LOXHD1: variants seen among roughly 807,000 people sequenced by gnomAD.
The protein encoded by LOXHD1 is lipoxygenase homology PLAT domains 1.
Under a neutral mutation model 248.2 loss-of-function variants are expected in LOXHD1, and 205 were observed. That is an observed-to-expected ratio of 0.83 (90% CI 0.74 to 0.93). LOXHD1 has a LOEUF of 0.93. Among genes scored for constraint, LOXHD1 ranks in the 40% least tolerant of loss-of-function variants. The probability of loss-of-function intolerance (pLI) is 0.00; values close to 1 mark genes in which losing one functional copy is unlikely to be tolerated. For missense variants in LOXHD1, 2,930 were observed against 2,971.6 expected (o/e 0.99, Z 0.33); for synonymous variants, 1,113 against 1,162.8 (o/e 0.96, Z 0.87).
rs1404197472 is a variant in LOXHD1, at chr18:46,522,308, A to C, written c.4878T>G (p.Ile1626Met). Reference sequence around the variant, plus strand: ...TGGTGACTGACACATAGTAGGGAATAACTGCAAGAGATCACGGGGCTCAGG... The same window carrying C: ...TGGTGACTGACACATAGTAGGGAATCACTGCAAGAGATCACGGGGCTCAGG... ...PMADYVQEGP[I>M]IPYYVSVTTG... The change falls in exon 32 of 41, where the codon ATT (isoleucine) becomes ATG (methionine). Residue 1626 changes from isoleucine to methionine, a missense_variant and splice_region_variant. Ile to Met is a conservative substitution (Grantham distance 10). Coordinates refer to ENST00000642948, the MANE Select transcript of LOXHD1 (RefSeq NM_001384474.1). The C allele has an allele frequency of 6.4e-7, 1 of 1,551,538 alleles. No homozygotes were observed. The highest frequency in any genetic ancestry group is 8.7e-7 in the Non-Finnish European group (1 of 1,146,862).
At chr18:46,539,646 T>C (rs1331313664) in intron 25 of LOXHD1, among the ~76,000 whole-genome samples, 1 of 152,196 alleles carries the variant, frequency 6.6e-6, no homozygotes, top group African/African-American at 2.4e-5. Flanking sequence ...TCAACAGTAT[T>C]TTTTAAAATA....
intron 18 of LOXHD1, among the ~76,000 whole-genome samples, chr18:46,561,752 G>A (rs529454465): frequency 6.6e-6 from 1 of 152,326 alleles, no homozygotes; most frequent in Admixed American, 6.5e-5. Context: ...AGAGCCCAGG[G>A]CCCCTGGGAG....
chr18:46,563,018 G>A, intron 18 of LOXHD1, 47 bp downstream of exon 18: 7 of 1,511,864 alleles, frequency 4.6e-6, no homozygotes, highest in Non-Finnish European at 6.3e-6. Flanking sequence ...GCATCTTGGT[G>A]TCCACTGAGC....
At chr18:46,538,359 C>T (rs549123672) in intron 25 of LOXHD1, 22 bp from the exon 26 acceptor site, 1 of 1,537,728 alleles carries the variant, frequency 6.5e-7, no homozygotes, top group East Asian at 2.5e-5. Context: ...GGTCAGAGGG[C>T]AAAGCCAGAG....
chr18:46,552,010 T>C (rs150528139), intron 21 of LOXHD1, among the ~76,000 whole-genome samples: 31 of 152,160 alleles, frequency 2.0e-4, no homozygotes, highest in African/African-American at 6.7e-4. Context: ...CTCAAAGTCA[T>C]AGAGACAAAA....
At chr18:46,567,850 C>T (rs1386660169) in intron 16 of LOXHD1, among the ~76,000 whole-genome samples, 3 of 152,186 alleles carry the variant, frequency 2.0e-5, no homozygotes, top group Admixed American at 6.5e-5. Context: ...AGAGCCCATG[C>T]TCCCAGCCTC....
intron 4 of LOXHD1, among the ~76,000 whole-genome samples, chr18:46,618,776 A>G (rs2038626749): frequency 6.6e-6 from 1 of 152,152 alleles, no homozygotes; most frequent in Admixed American, 6.5e-5. Context: ...ATAAAAATTC[A>G]CTGGGAAAAC....
intron 4 of LOXHD1, among the ~76,000 whole-genome samples, chr18:46,631,523 G>A (rs1015069864): frequency 2.0e-5 from 3 of 152,196 alleles, no homozygotes; most frequent in African/African-American, 7.2e-5. Context: ...GAGGAAGTGG[G>A]TAATGCCGTC....
At chr18:46,505,384 G>A (rs888640694) in intron 37 of LOXHD1, among the ~76,000 whole-genome samples, 5 of 152,020 alleles carry the variant, frequency 3.3e-5, no homozygotes, top group African/African-American at 9.7e-5. Context: ...ATCTCACAAT[G>A]TTGTTTAGGC....
rs535109180 is a variant in LOXHD1, at chr18:46,524,417, C to T, written c.4876+49G>A. ...GGCTCATCCAAGAATTGCTTTAAAACATTTCCATGTGCCTGGCCCCCGTCC... is the reference window on the plus strand; with the variant it reads ...GGCTCATCCAAGAATTGCTTTAAAATATTTCCATGTGCCTGGCCCCCGTCC... On this transcript the variant is annotated intron_variant, in intron 31 of 40. Coordinates refer to ENST00000642948, the MANE Select transcript of LOXHD1 (RefSeq NM_001384474.1). 3.0e-5 allele frequency: 46 copies of T among 1,534,494 alleles called. No homozygotes were observed. The South Asian group carries it at 4.8e-4, about 16-fold the overall frequency.
At chr18:46,607,746 T>C (rs1398438949) in intron 6 of LOXHD1, among the ~76,000 whole-genome samples, 2 of 151,912 alleles carry the variant, frequency 1.3e-5, no homozygotes, top group African/African-American at 2.4e-5. Context: ...TGGTGGGAAT[T>C]TGACAAGTTC....
At chr18:46,501,700 A>T (rs1224645316) in intron 37 of LOXHD1, among the ~76,000 whole-genome samples, 1 of 152,248 alleles carries the variant, frequency 6.6e-6, no homozygotes, top group Non-Finnish European at 1.5e-5. Flanking sequence ...CCTTAGGAGC[A>T]ATGGTTCAGT....
chr18:46,651,628 CT>C (rs2039112934), intron 1 of LOXHD1, among the ~76,000 whole-genome samples: 1 of 151,846 alleles, frequency 6.6e-6, no homozygotes, highest in Non-Finnish European at 1.5e-5. Flanking sequence ...TGCACAGCTA[CT>C]TCTTAAATGG....
chr18:46,656,254 G>A (rs1345827603), intron 1 of LOXHD1, among the ~76,000 whole-genome samples: 1 of 152,104 alleles, frequency 6.6e-6, no homozygotes, highest in Non-Finnish European at 1.5e-5. Context: ...ACGCTGGAAA[G>A]GAAAAAAACA....
chr18:46,498,628 A>G (rs568760681), intron 37 of LOXHD1, among the ~76,000 whole-genome samples: 101 of 152,050 alleles, frequency 6.6e-4, no homozygotes, highest in African/African-American at 2.3e-3. Context: ...TCCAGCTCCA[A>G]TCTCTACCTC....
intron 8 of LOXHD1, among the ~76,000 whole-genome samples, chr18:46,597,578 A>C (rs113693982): frequency 1.2e-3 from 186 of 149,806 alleles, no homozygotes; most frequent in Admixed American, 2.1e-3. Context: ...ACACACACAC[A>C]CCCCTACCTG....
intron 6 of LOXHD1, among the ~76,000 whole-genome samples, chr18:46,605,661 T>G (rs2038402525): frequency 6.6e-6 from 1 of 152,168 alleles, no homozygotes; most frequent in Non-Finnish European, 1.5e-5. Context: ...ACCAGGACAG[T>G]ACCATCCAGG....
rs745683775 is a variant in LOXHD1 at position 46,560,448 on chromosome 18, C to G, written c.2696G>C (p.Arg899Pro). The change falls in exon 19 of 41, where the codon CGG (arginine) becomes CCG (proline). Residue 899 changes from arginine (R) to proline (P), a missense_variant. By Grantham distance (103) the Arg-to-Pro change is moderately radical. Coordinates refer to ENST00000642948, the MANE Select transcript of LOXHD1 (RefSeq NM_001384474.1). ...PSWFVDTVWL[R>P]HLVVREVDLT... is the part of the protein sequence containing the mutation. Reference sequence around the variant, plus strand: ...GTCCACCTCCCGCACCACCAGGTGCCGCAGCCACACGGTGTCCACGAACCA... The same window carrying G: ...GTCCACCTCCCGCACCACCAGGTGCGGCAGCCACACGGTGTCCACGAACCA... 4.7e-4 allele frequency: 718 copies of G among 1,543,534 alleles called. No homozygotes were observed. Among genetic ancestry groups the G allele is most frequent in the Non-Finnish European group, 6.1e-4 (696 of 1,146,998 alleles).
intron 5 of LOXHD1, among the ~76,000 whole-genome samples, chr18:46,615,084 T>G (rs2038566185): frequency 1.3e-5 from 2 of 152,196 alleles, no homozygotes. Context: ...CATCATATAG[T>G]GGCAATCATA....
Sources: gnomAD v4.1 joint callset for allele counts (sites outside exome capture counted in the v4.1 genomes callset) on GRCh38, gnomAD v4.1.1 for gene constraint, MANE v1.5 for transcripts, NCBI Gene and HGNC (gene_info 2026-07-23, HGNC 2026-07-21) for gene names.